Variants in BCAP31 observed in about 807,000 individuals in gnomAD.
The protein encoded by BCAP31 is B cell receptor associated protein 31, also known as B-cell receptor-associated protein 31.
For missense variants in BCAP31, 124 were observed against 193.0 expected (o/e 0.64, Z 2.12); for synonymous variants, 75 against 80.9 (o/e 0.93, Z 0.39).
At position 153,720,258 on chromosome X, in the gene BCAP31, C is replaced by T. The variant is rs782451545; in HGVS notation, c.193+614G>A. Among the ~76,000 whole-genome samples the T allele has an allele frequency of 3.3e-3, 363 of 111,283 alleles. 2 individuals are homozygous for T. The highest frequency in any genetic ancestry group is 0.011 in the African/African-American group (336 of 30,593). On this transcript the variant is annotated intron_variant, in intron 3 of 7. Coordinates refer to ENST00000345046, the MANE Select transcript of BCAP31 (RefSeq NM_001256447.2). The stretch of plus-strand genomic sequence containing the variant: ...TGACCTGAGGAGCAGCCTCAGAAAC[C>T]TTAGGCGTCCCTCCTTCCAAGGTCT...
At chrX:153,721,986 T>C (rs2091670339) in intron 2 of BCAP31, among the ~76,000 whole-genome samples, 1 of 111,982 alleles carries the variant, frequency 8.9e-6, no homozygotes, top group African/African-American at 3.2e-5. Flanking sequence ...TACTTTTCAT[T>C]GTACTCCCCT....
intron 4 of BCAP31, among the ~76,000 whole-genome samples, chrX:153,706,558 G>A (rs1557048324): frequency 8.9e-6 from 1 of 112,485 alleles, no homozygotes; most frequent in African/African-American, 3.2e-5. Context: ...TCTGGGGTCT[G>A]CACTCTTCAG....
chrX:153,721,021 G>A (rs782200288), intron 2 of BCAP31, 49 bp from the exon 3 acceptor site: 3 of 1,082,703 alleles, frequency 2.8e-6, no homozygotes, highest in Admixed American at 2.2e-5. Flanking sequence ...GCACACACAC[G>A]AGCTCTAGGG....
At chrX:153,723,735 TACCAGGCAGGCCCAAGGCCGC>T in intron 1 of BCAP31, 2 of 1,099,547 alleles carry the variant, frequency 1.8e-6, no homozygotes, top group Non-Finnish European at 2.4e-6. Context: ...AAATCCCCGC[TACCAGGCAGGCCCAAGGCCGC>T]ACCTAGTCCA....
intron 6 of BCAP31, 92 bp from the exon 7 acceptor site, chrX:153,702,199 C>G: frequency 1.3e-6 from 1 of 745,511 alleles, no homozygotes; most frequent in Non-Finnish European, 2.0e-6. Context: ...AGAAACTGGC[C>G]CAAATCTATC....
chrX:153,700,654 C>G lies in BCAP31; in HGVS notation c.*283G>C, dbSNP rs1478065277. 1.4e-5 allele frequency: 4 copies of G among 291,718 alleles called. No individual in the cohort carries two copies. Among genetic ancestry groups the G allele is most frequent in the Non-Finnish European group, 2.4e-5 (4 of 168,576 alleles). The allele number at this position is 291,718 out of a possible 1,213,427, so 24.0% of individuals were successfully genotyped here. A position where few individuals can be genotyped will look rare whatever the true frequency, so the allele number is the denominator to read the frequency against. On this transcript the variant is annotated 3_prime_UTR_variant, in exon 8 of 8. Coordinates refer to ENST00000345046, the MANE Select transcript of BCAP31 (RefSeq NM_001256447.2). ...CCACCGCAAGCCGGACTACAACTAA[C>G]TCGTGCTCTCCACGCTCAGGCGTGG...
At chrX:153,723,528 G>A (rs1344652852) in intron 1 of BCAP31, 4 of 1,165,516 alleles carry the variant, frequency 3.4e-6, no homozygotes, top group Non-Finnish European at 4.6e-6. Flanking sequence ...CAGCACGTGT[G>A]TCAACACGTC....
chrX:153,706,458 C>T (rs1221116361), intron 4 of BCAP31, among the ~76,000 whole-genome samples: 3 of 112,558 alleles, frequency 2.7e-5, no homozygotes, highest in East Asian at 5.6e-4. Context: ...CCGCCCAGGC[C>T]GGAGGTCACC....
chrX:153,712,833 A>G (rs1187368501), intron 4 of BCAP31, among the ~76,000 whole-genome samples: 2 of 112,268 alleles, frequency 1.8e-5, no homozygotes, highest in Non-Finnish European at 3.8e-5. Flanking sequence ...GTGACCCTAG[A>G]GGACCTTGGC....
intron 6 of BCAP31, 161 bp from the exon 7 acceptor site, chrX:153,702,268 C>A: frequency 2.3e-6 from 1 of 442,900 alleles, no homozygotes; most frequent in Non-Finnish European, 3.9e-6. Context: ...CTTTTGCAGG[C>A]CCCCAAAGTA....
At chrX:153,716,800 G>A (rs782104913) in intron 3 of BCAP31, among the ~76,000 whole-genome samples, 8 of 111,034 alleles carry the variant, frequency 7.2e-5, no homozygotes, top group Non-Finnish European at 1.1e-4. Flanking sequence ...CAAAAAAATA[G>A]GAGTCAAGAC....
intron 4 of BCAP31, among the ~76,000 whole-genome samples, chrX:153,710,684 T>C (rs1176542805): frequency 3.6e-5 from 4 of 111,326 alleles, no homozygotes; most frequent in African/African-American, 1.3e-4. Context: ...GGTGTGATGT[T>C]TCCTTTCAGG....
intron 4 of BCAP31, chrX:153,715,287 ATC>A (rs1288752204): frequency 3.4e-5 from 13 of 387,956 alleles, no homozygotes; most frequent in Non-Finnish European, 5.4e-5. Context: ...TGAGATAGTC[ATC>A]TGTTTGCCTG....
At chrX:153,720,838 G>C in intron 3 of BCAP31, 34 bp downstream of exon 3, 1 of 1,184,589 alleles carries the variant, frequency 8.4e-7, no homozygotes, top group Non-Finnish European at 1.1e-6. Flanking sequence ...CAGGGTCTAG[G>C]TCAGGTAGCT....
chrX:153,707,665 G>A (rs1221609129), intron 4 of BCAP31, among the ~76,000 whole-genome samples: 2 of 112,133 alleles, frequency 1.8e-5, no homozygotes, highest in Non-Finnish European at 3.8e-5. Flanking sequence ...CATGGCTGCA[G>A]GGGGAAAAAA....
rs989103193 is a variant in BCAP31 at position 153,715,367 on chromosome X, T to C, written c.341+175A>G. The C allele has an allele frequency of 1.3e-5, 9 of 687,895 alleles. No individual in the cohort carries two copies. The African/African-American group carries it at 1.8e-4, about 13-fold the overall frequency. 56.7% of individuals were successfully genotyped at this position (687,895 alleles called of 1,213,427 possible). On this transcript the variant is annotated intron_variant, in intron 4 of 7. Coordinates refer to ENST00000345046, the MANE Select transcript of BCAP31 (RefSeq NM_001256447.2). ...CCTCTCCTACTCTCCACGCTGCCTC[T>C]GGAGGTCAGGAGAAAACTATGTGGC... is the stretch of plus-strand genomic sequence containing the variant.
chrX:153,701,056 G>A, intron 7 of BCAP31, 81 bp from the exon 8 acceptor site: 1 of 874,721 alleles, frequency 1.1e-6, no homozygotes, highest in Non-Finnish European at 1.6e-6. Flanking sequence ...ATGCCCCAGA[G>A]GTCCACCTCG....
intron 3 of BCAP31, among the ~76,000 whole-genome samples, chrX:153,716,912 CATCGA>C (rs1294068912): frequency 3.5e-5 from 4 of 112,879 alleles, no homozygotes; most frequent in African/African-American, 9.7e-5. Flanking sequence ...AATTCACACT[CATCGA>C]AAGTTCAAAC....
intron 1 of BCAP31, 75 bp from the exon 2 acceptor site, chrX:153,723,363 G>A: frequency 5.3e-6 from 6 of 1,136,255 alleles, no homozygotes; most frequent in Non-Finnish European, 7.0e-6. Context: ...ACCCTGCGAG[G>A]CTGGGGCCGC....
Sources: allele counts gnomAD v4.1 joint callset (sites outside exome capture counted in the v4.1 genomes callset), GRCh38; gene constraint gnomAD v4.1.1; transcripts MANE v1.5; gene names NCBI Gene and HGNC (gene_info 2026-07-23, HGNC 2026-07-21).